The following SLC7A14 variants were observed in gnomAD, a reference collection of about 807,000 sequenced individuals.
The protein encoded by SLC7A14 is solute carrier family 7 member 14, also known as gamma-aminobutyric acid transporter SLC7A14.
SLC7A14 carries 37 observed loss-of-function variants against 60.2 expected under a neutral mutation model. That is an observed-to-expected ratio of 0.61 (90% CI 0.47 to 0.81). SLC7A14 has a LOEUF of 0.81. Among genes scored for constraint, SLC7A14 ranks in the 30% least tolerant of loss-of-function variants. SLC7A14 has a pLI of 0.00. For missense variants in SLC7A14, 886 were observed against 982.7 expected, an observed-to-expected ratio of 0.90 and a Z score of 1.32; for synonymous variants, 399 against 395.8, an observed-to-expected ratio of 1.01 and a Z score of -0.10.
intron 2 of SLC7A14, 50 bp from the exon 3 acceptor site, chr3:170,501,395 C>T (rs762840666): frequency 3.4e-6 from 5 of 1,485,754 alleles, no homozygotes; most frequent in African/African-American, 1.4e-5. Flanking sequence ...GATGAGCTGA[C>T]ATCCTGTGGC....
chr3:170,461,877 A>G lies in SLC7A14; in HGVS notation c.*5178T>C, dbSNP rs370412820. 2 of 152,666 alleles carry G rather than the reference A, an allele frequency of 1.3e-5. No individual in the cohort carries two copies. The highest frequency in any genetic ancestry group is 4.8e-5 in the African/African-American group (2 of 41,572). 9.5% of individuals were successfully genotyped at this position (152,666 alleles called of 1,614,324 possible). A position where few individuals can be genotyped will look rare whatever the true frequency, so the allele number is the denominator to read the frequency against. On this transcript the variant is annotated 3_prime_UTR_variant, in exon 8 of 8. Transcript: ENST00000231706. ...TTCCTTGACACGTCTTGTTCCAAAC[A>G]GCATGAAAATGGAGCGCTGGCACAC...
intron 1 of SLC7A14, among the ~76,000 whole-genome samples, chr3:170,579,372 A>G (rs1332233748): frequency 6.6e-6 from 1 of 152,244 alleles, no homozygotes; most frequent in African/African-American, 2.4e-5. Flanking sequence ...TTGTCAACAG[A>G]ATGTTTAAAC....
chr3:170,490,092 G>A (rs1033453904), intron 4 of SLC7A14, among the ~76,000 whole-genome samples: 1 of 152,214 alleles, frequency 6.6e-6, no homozygotes, highest in Non-Finnish European at 1.5e-5. Flanking sequence ...CTTAAAGAGT[G>A]TAATTGGATT....
intron 7 of SLC7A14, among the ~76,000 whole-genome samples, chr3:170,477,111 G>A (rs1577496678): frequency 6.6e-6 from 1 of 152,222 alleles, no homozygotes; most frequent in East Asian, 1.9e-4. Context: ...AGGCTCTATC[G>A]AACGTTCTAA....
intron 1 of SLC7A14, among the ~76,000 whole-genome samples, chr3:170,540,114 G>T (rs1346179749): frequency 6.6e-6 from 1 of 152,134 alleles, no homozygotes; most frequent in African/African-American, 2.4e-5. Flanking sequence ...TCATGTCCTG[G>T]GTGGGACAGA....
intron 1 of SLC7A14, among the ~76,000 whole-genome samples, chr3:170,544,848 C>G (rs758913632): frequency 6.6e-6 from 1 of 152,200 alleles, no homozygotes; most frequent in Non-Finnish European, 1.5e-5. Context: ...AGTGACACAG[C>G]TGCTGTCAGA....
intron 2 of SLC7A14, among the ~76,000 whole-genome samples, chr3:170,514,619 A>G (rs7632718): frequency 0.45 from 68,776 of 152,052 alleles, 16,221 homozygotes; most frequent in South Asian, 0.58. Flanking sequence ...TAGAGAAGAG[A>G]ATTCTTCTTG....
In SLC7A14 at chr3:170,480,819, G is replaced by T. The variant is rs374181960; in HGVS notation, c.1463C>A (p.Ser488Tyr). The change falls in exon 7 of 8, where the codon TCC (serine) becomes TAC (tyrosine). Residue 488 changes from serine to tyrosine, a missense_variant. Coordinates refer to ENST00000231706, the MANE Select transcript of SLC7A14 (RefSeq NM_020949.3). ...TATGAGCATCTCATTGTCTCCCAAGGATGGTAAGTTCTTGGCCCCACATGT... is the reference window on the plus strand; with the variant it reads ...TATGAGCATCTCATTGTCTCCCAAGTATGGTAAGTTCTTGGCCCCACATGT... ...TNTCGAKNLPSLGDNEMLIGK... is the reference protein window; with the variant it reads ...TNTCGAKNLPYLGDNEMLIGK... 1.4e-5 allele frequency: 23 copies of T among 1,614,028 alleles called. No homozygotes were observed. In the African/African-American group the frequency reaches 2.5e-4, roughly 18 times the overall value.
At chr3:170,494,138 C>A (rs905783390) in intron 4 of SLC7A14, among the ~76,000 whole-genome samples, 3 of 152,176 alleles carry the variant, frequency 2.0e-5, no homozygotes, top group African/African-American at 7.2e-5. Flanking sequence ...GGACTGGGAT[C>A]GAATTTCAGC....
chr3:170,531,384 G>A (rs942333440), intron 1 of SLC7A14, among the ~76,000 whole-genome samples: 4 of 151,998 alleles, frequency 2.6e-5, no homozygotes, highest in Admixed American at 6.6e-5. Context: ...CAAGGACACC[G>A]AGAAACAAAC....
In SLC7A14 at chr3:170,526,573, A is replaced by G. The variant is rs1713506706; in HGVS notation, c.304+60T>C. 1.9e-6 allele frequency: 3 copies of G among 1,567,818 alleles called. No homozygotes were observed. The South Asian group carries it at 3.6e-5, about 19-fold the overall frequency. ...CTAAATACTCCGGAGAAAGGGGATG[A>G]ACAGTGACCAGGCTGGTAAGCACAC... On this transcript the variant is annotated intron_variant, in intron 2 of 7. Transcript: ENST00000231706.
intron 4 of SLC7A14, chr3:170,495,870 C>T (rs1418712277): frequency 1.5e-6 from 2 of 1,291,680 alleles, no homozygotes; most frequent in Admixed American, 1.7e-5. Context: ...CATGAACAAC[C>T]TTAGGCGGCA....
chr3:170,522,436 C>T (rs566857457), intron 2 of SLC7A14, among the ~76,000 whole-genome samples: 1 of 152,308 alleles, frequency 6.6e-6, no homozygotes, highest in African/African-American at 2.4e-5. Flanking sequence ...TAGAGCCATA[C>T]AATGGGATAC....
Position 170,465,378 on chromosome 3 carries a change from C to G in SLC7A14, c.*1677G>C, listed in dbSNP as rs1236302943. 1 of 152,224 alleles carries G rather than the reference C, an allele frequency of 6.6e-6. No homozygotes were observed. Among genetic ancestry groups the G allele is most frequent in the African/African-American group, 2.4e-5 (1 of 41,464 alleles). 9.4% of individuals were successfully genotyped at this position (152,224 alleles called of 1,614,324 possible). ...GCTGCTCATCCATGGACTGTAGCCC[C>G]CAAGGGCAAGTGCCATGCTTCTATT... On this transcript the variant is annotated 3_prime_UTR_variant, in exon 8 of 8. Coordinates refer to ENST00000231706, the MANE Select transcript of SLC7A14 (RefSeq NM_020949.3).
chr3:170,504,787 G>A (rs1471408652), intron 2 of SLC7A14, among the ~76,000 whole-genome samples: 1 of 152,126 alleles, frequency 6.6e-6, no homozygotes, highest in Non-Finnish European at 1.5e-5. Flanking sequence ...TAATCATCTA[G>A]TTAGTGAGGG....
chr3:170,533,821 A>G (rs550192165), intron 1 of SLC7A14, among the ~76,000 whole-genome samples: 11 of 152,248 alleles, frequency 7.2e-5, no homozygotes, highest in Middle Eastern at 3.4e-3. Context: ...TAATTTTTTC[A>G]GTTGTATCTT....
rs1320845791 is a variant in SLC7A14, at chr3:170,466,896, T to C, written c.*159A>G. On this transcript the variant is annotated 3_prime_UTR_variant, in exon 8 of 8. Coordinates refer to ENST00000231706, the MANE Select transcript of SLC7A14 (RefSeq NM_020949.3). ...GTTAAGCCCTTCAACAGAACTATCC[T>C]GAAGAGCAAAAGTAGCAAATGACAG... The C allele has an allele frequency of 7.6e-6, 5 of 657,618 alleles. No individual in the cohort carries two copies. The East Asian group carries it at 1.3e-4, about 17-fold the overall frequency. 40.7% of individuals were successfully genotyped at this position (657,618 alleles called of 1,614,324 possible).
intron 1 of SLC7A14, among the ~76,000 whole-genome samples, chr3:170,566,786 G>A (rs1406780743): frequency 6.6e-6 from 1 of 151,058 alleles, no homozygotes; most frequent in Admixed American, 6.6e-5. Flanking sequence ...AAAAAATTCT[G>A]GTGAGGATCA....
chr3:170,546,845 G>A (rs955689097), intron 1 of SLC7A14, among the ~76,000 whole-genome samples: 3 of 152,154 alleles, frequency 2.0e-5, no homozygotes, highest in South Asian at 2.1e-4. Context: ...CTGTGGCACC[G>A]TGAACAACAT....
Sources: gnomAD v4.1 joint callset for allele counts (sites outside exome capture counted in the v4.1 genomes callset) on GRCh38, gnomAD v4.1.1 for gene constraint, MANE v1.5 for transcripts, NCBI Gene and HGNC (gene_info 2026-07-23, HGNC 2026-07-21) for gene names.